Variants in TBC1D1 observed in about 807,000 individuals in gnomAD.
The protein encoded by TBC1D1 is TBC1 (tre-2/USP6, BUB2, cdc16) domain family, member 1.
In TBC1D1, 89 loss-of-function variants were observed where a neutral mutation model predicts 125.6. The observed-to-expected ratio is 0.71, with a 90% confidence interval of 0.60 to 0.85. The LOEUF (loss-of-function observed/expected upper bound fraction) is 0.85. TBC1D1 is among the 40% of genes least tolerant of loss of function. The probability of loss-of-function intolerance (pLI) is 0.00; values close to 1 mark genes in which losing one functional copy is unlikely to be tolerated. For synonymous variants in TBC1D1, 565 were observed against 564.1 expected (o/e 1.00, Z -0.02); for missense variants, 1,377 against 1,469.2 (o/e 0.94, Z 1.03).
intron 2 of TBC1D1, among the ~76,000 whole-genome samples, chr4:38,013,966 G>A (rs1289133801): frequency 6.6e-6 from 1 of 152,180 alleles, no homozygotes; most frequent in African/African-American, 2.4e-5. Flanking sequence ...GCTGGGATTT[G>A]AATAAATAAT....
intron 18 of TBC1D1, among the ~76,000 whole-genome samples, chr4:38,126,164 G>T (rs566750799): frequency 3.2e-4 from 48 of 152,316 alleles, no homozygotes; most frequent in South Asian, 2.7e-3. Flanking sequence ...GTTGGTAGTT[G>T]TAACACAAGG....
At chr4:37,892,258 C>G (rs1282626458) in intron 1 of TBC1D1, among the ~76,000 whole-genome samples, 1 of 152,088 alleles carries the variant, frequency 6.6e-6, no homozygotes, top group Non-Finnish European at 1.5e-5. Flanking sequence ...AACTTCTAAA[C>G]TTTTTCAATG....
chr4:37,995,566 A>G lies in TBC1D1; in HGVS notation c.418-18943A>G, dbSNP rs1737620603. The G allele has an allele frequency of 2.4e-6, 1 of 416,920 alleles. No individual in the cohort carries two copies. The highest frequency in any genetic ancestry group is 2.9e-5 in the Admixed American group (1 of 34,720). The allele number at this position is 416,920 out of a possible 1,614,324, so 25.8% of individuals were successfully genotyped here. A position where few individuals can be genotyped will look rare whatever the true frequency, so the allele number is the denominator to read the frequency against. ...CAGGTTGGTGCTGATGATATGATAA[A>G]GCTCAGCACAGAAGGCCTTCAGGTC... is the stretch of plus-strand genomic sequence containing the variant. On this transcript the variant is annotated intron_variant, in intron 2 of 19. Coordinates refer to ENST00000261439, the MANE Select transcript of TBC1D1 (RefSeq NM_015173.4). The surrounding 1 kb of genome is among the most constrained non-coding windows in gnomAD (Gnocchi z 4.3).
At chr4:38,026,757 G>C (rs1745169093) in intron 6 of TBC1D1, among the ~76,000 whole-genome samples, 1 of 152,218 alleles carries the variant, frequency 6.6e-6, no homozygotes, top group Admixed American at 6.5e-5. Context: ...AGCCGTATTT[G>C]TGTGGGGAAG....
chr4:38,067,953 G>A (rs1386767534), intron 12 of TBC1D1, among the ~76,000 whole-genome samples: 1 of 152,180 alleles, frequency 6.6e-6, no homozygotes, highest in Non-Finnish European at 1.5e-5. Flanking sequence ...GATTGTGTCT[G>A]CCTGCCAATA....
At chr4:38,042,977 C>T (rs1224020994) in intron 8 of TBC1D1, among the ~76,000 whole-genome samples, 1 of 152,184 alleles carries the variant, frequency 6.6e-6, no homozygotes, top group Non-Finnish European at 1.5e-5. Context: ...TCTTGGCTCA[C>T]TGCAACCTCC....
chr4:37,986,713 C>G (rs945984406), intron 2 of TBC1D1, among the ~76,000 whole-genome samples: 171 of 152,162 alleles, frequency 1.1e-3, no homozygotes, highest in Admixed American at 1.9e-3. Context: ...ATTACAGGTG[C>G]GAGCCACTGT....
intron 12 of TBC1D1, 42 bp downstream of exon 14, chr4:38,054,380 T>A: frequency 6.2e-7 from 1 of 1,610,856 alleles, no homozygotes. Context: ...GAGAGCACGC[T>A]GACAGAGGAC....
chr4:37,987,445 A>G (rs1263273440), intron 2 of TBC1D1, among the ~76,000 whole-genome samples: 1 of 152,196 alleles, frequency 6.6e-6, no homozygotes, highest in Non-Finnish European at 1.5e-5. Context: ...GGGGATTACA[A>G]CGCATGTTCA....
At chr4:37,899,994 G>A (rs1181560630) in intron 1 of TBC1D1, among the ~76,000 whole-genome samples, 5 of 152,120 alleles carry the variant, frequency 3.3e-5, no homozygotes, top group African/African-American at 7.2e-5. Context: ...GGTGGCAGGC[G>A]CCTGTAGTCC....
chr4:38,044,371 A>T lies in TBC1D1; in HGVS notation c.1423A>T (p.Met475Leu), dbSNP rs769910445. 16 of 1,600,152 alleles carry T rather than the reference A, an allele frequency of 1.0e-5. No homozygotes were observed. Among genetic ancestry groups the T allele is most frequent in the Non-Finnish European group, 1.4e-5 (16 of 1,176,710 alleles). ...TTTTTCACTTTTTTAGACATCGCAG[A>T]TGGCAGCAGAGAATATTGGAAGTGA... Residue 475 changes from methionine (M) to leucine (L), a missense_variant, in exon 9 of 20, where the codon ATG (methionine) becomes TTG (leucine). Physicochemically the swap from Met to Leu is conservative, Grantham distance 15. Transcript: ENST00000261439.
At chr4:37,951,098 T>C (rs1443900474) in intron 2 of TBC1D1, among the ~76,000 whole-genome samples, 1 of 152,182 alleles carries the variant, frequency 6.6e-6, no homozygotes, top group African/African-American at 2.4e-5. Context: ...TTGTGAGAAA[T>C]ATAAATAGCT....
chr4:37,922,047 T>C (rs1019966635), intron 2 of TBC1D1, among the ~76,000 whole-genome samples: 3 of 152,168 alleles, frequency 2.0e-5, no homozygotes, highest in Non-Finnish European at 4.4e-5. Context: ...TCTTTTCCTG[T>C]TTTTATCTCT....
chr4:38,049,559 A>T, intron 10 of TBC1D1, 59 bp from the exon 11 acceptor site: 2 of 1,525,692 alleles, frequency 1.3e-6, no homozygotes, highest in Non-Finnish European at 1.8e-6. Flanking sequence ...GGAACTAGAG[A>T]TTTATAAATC....
chr4:38,021,615 G>C lies in TBC1D1; in HGVS notation c.1107G>C (p.Gln369His), dbSNP rs1380018939. 1.3e-6 allele frequency: 2 copies of C among 1,586,182 alleles called. No homozygotes were observed. Among genetic ancestry groups the C allele is most frequent in the African/African-American group, 2.7e-5 (2 of 73,432 alleles). ...ATGAAATTATGATGACCCTGAAACA[G>C]GCCTTCACGGTGGCCGCAGTGCAGC... The change falls in exon 6 of 20, where the codon CAG becomes CAC. Residue 369 changes from glutamine to histidine, a missense_variant. Gln to His is a conservative substitution (Grantham distance 24). Around this residue, in one of 3 missense-constraint regions of TBC1D1, gnomAD observed 822 missense variants for 824.6 expected, o/e 1.00. Transcript: ENST00000261439.
intron 2 of TBC1D1, among the ~76,000 whole-genome samples, chr4:37,938,642 A>G (rs1156870401): frequency 2.0e-5 from 3 of 152,082 alleles, no homozygotes; most frequent in Non-Finnish European, 4.4e-5. Flanking sequence ...TTAACTCGTC[A>G]TTTACATTAG....
In TBC1D1 at chr4:38,039,104, C is replaced by CTTTTTTTTTT. The variant is rs776941680; in HGVS notation, c.1413+3428_1413+3437dup. Among the ~76,000 whole-genome samples, 117 of 51,580 alleles carry CTTTTTTTTTT rather than the reference C, an allele frequency of 2.3e-3. 37 individuals are homozygous for CTTTTTTTTTT. Among genetic ancestry groups the CTTTTTTTTTT allele is most frequent in the East Asian group, 4.4e-3 (6 of 1,350 alleles). The allele number at this position is 51,580 out of a possible 152,430, so 33.8% of individuals were successfully genotyped here. The stretch of plus-strand genomic sequence containing the variant: ...AATTTCTTATAAATGGCATCATACT[C>CTTTTTTTTTT]TTTTTTTTTTTTTTTTTTTTTTTTT... On this transcript the variant is annotated intron_variant, in intron 8 of 19. Coordinates refer to ENST00000261439, the MANE Select transcript of TBC1D1 (RefSeq NM_015173.4).
rs143826030 is a variant in TBC1D1, at chr4:38,013,259, A to G, written c.418-1250A>G. Among the ~76,000 whole-genome samples the G allele has an allele frequency of 1.6e-4, 24 of 152,372 alleles. No homozygotes were observed. In the East Asian group the frequency reaches 2.9e-3, roughly 18 times the overall value. On this transcript the variant is annotated intron_variant, in intron 2 of 19. Transcript: ENST00000261439. ...TAAGGTGTATTTGATATGAAGTCAC[A>G]AAGAGAAAAATCTTTCGAGTCATTG... is the stretch of plus-strand genomic sequence containing the variant.
Position 37,910,302 on chromosome 4 carries a change from A to G in TBC1D1, c.417+7790A>G, listed in dbSNP as rs144778760. Among the ~76,000 whole-genome samples the G allele has an allele frequency of 2.7e-3, 404 of 152,338 alleles. 4 individuals carry two copies. The highest frequency in any genetic ancestry group is 7.6e-3 in the African/African-American group (318 of 41,578). ...GTCTTTACTGTCCCGTACAGTAATC[A>G]GTAGTCATTTGCAACTACTGAGCAC... On this transcript the variant is annotated intron_variant, in intron 2 of 19. Transcript: ENST00000261439.
Sources: gnomAD v4.1 joint callset for allele counts (sites outside exome capture counted in the v4.1 genomes callset) on GRCh38, gnomAD v4.1.1 for gene constraint, gnomAD v4.1.1 regional missense constraint, Gnocchi (gnomAD v3.1) non-coding constraint, MANE v1.5 for transcripts, NCBI Gene and HGNC (gene_info 2026-07-23, HGNC 2026-07-21) for gene names.